PCDH11X: variants seen among roughly 807,000 people sequenced by gnomAD.
PCDH11X encodes the protein protocadherin 11 X-linked.
A neutral mutation model predicts 53.3 loss-of-function variants in PCDH11X; 18 were observed. The observed-to-expected ratio is 0.34, with a 90% confidence interval of 0.23 to 0.50. The LOEUF (loss-of-function observed/expected upper bound fraction) is 0.50. PCDH11X is among the 20% of genes least tolerant of loss of function. PCDH11X has a pLI of 0.98. For missense variants in PCDH11X, 570 were observed against 1,032.4 expected (o/e 0.55, Z 6.14); for synonymous variants, 279 against 393.3 (o/e 0.71, Z 3.44).
intron 4 of PCDH11X, among the ~76,000 whole-genome samples, chrX:91,821,280 C>T (rs7052123): frequency 6.6e-4 from 72 of 109,646 alleles, no homozygotes; most frequent in Middle Eastern, 4.7e-3. Flanking sequence ...GCCATTTTCA[C>T]GATATTGATT....
intron 10 of PCDH11X, among the ~76,000 whole-genome samples, chrX:92,581,550 A>T (rs1315217442): frequency 8.9e-6 from 1 of 111,932 alleles, no homozygotes; most frequent in East Asian, 2.8e-4. Context: ...CTCCCCAGCC[A>T]CGTGAACTGT....
chrX:92,049,450 T>TAA (rs1275164500), intron 6 of PCDH11X, among the ~76,000 whole-genome samples: 1 of 105,215 alleles, frequency 9.5e-6, no homozygotes, highest in African/African-American at 3.4e-5. Flanking sequence ...TTGGGCAAGA[T>TAA]AAAAAAAAAA....
At chrX:91,926,019 G>T (rs1245693172) in intron 6 of PCDH11X, among the ~76,000 whole-genome samples, 5 of 105,658 alleles carry the variant, frequency 4.7e-5, no homozygotes, top group African/African-American at 1.7e-4. Flanking sequence ...TATAATCAGG[G>T]TTATATAGAA....
At chrX:92,391,487 C>A (rs2071128066) in intron 9 of PCDH11X, among the ~76,000 whole-genome samples, 1 of 110,323 alleles carries the variant, frequency 9.1e-6, no homozygotes, top group South Asian at 3.8e-4. Context: ...CTATGTATGG[C>A]CCTATGTTCC....
rs183651865 is a variant in PCDH11X, at chrX:92,343,557, C to T, written c.3145-44178C>T. On this transcript the variant is annotated intron_variant, in intron 8 of 10. Transcript: ENST00000682573. ...TGTTTTATATAAAGCTATATATCTA[C>T]GTGTATTTCTTTATGTGAAATGACT... Among the ~76,000 whole-genome samples the T allele has an allele frequency of 4.3e-3, 470 of 110,297 alleles. 6 individuals carry two copies. In the East Asian group the frequency reaches 0.051, roughly 12 times the overall value.
At chrX:92,017,716 T>G (rs200141238) in intron 6 of PCDH11X, among the ~76,000 whole-genome samples, 3,066 of 89,172 alleles carry the variant, frequency 0.034, 110 homozygotes, top group East Asian at 0.16. Context: ...AATATATATA[T>G]AGAGAGAGAT....
chrX:91,905,234 C>T (rs1422861674), intron 6 of PCDH11X, among the ~76,000 whole-genome samples: 1 of 108,721 alleles, frequency 9.2e-6, no homozygotes, highest in Non-Finnish European at 1.9e-5. Flanking sequence ...GGCTCAACCT[C>T]TTTTACTGCC....
At chrX:92,254,430 G>A (rs968441979) in intron 7 of PCDH11X, among the ~76,000 whole-genome samples, 8 of 109,857 alleles carry the variant, frequency 7.3e-5, no homozygotes, top group Non-Finnish European at 1.9e-5. Context: ...GGAGCATTTA[G>A]TCCATTTACA....
chrX:91,946,772 T>C (rs1429740128), intron 6 of PCDH11X, among the ~76,000 whole-genome samples: 5 of 97,045 alleles, frequency 5.2e-5, no homozygotes, highest in African/African-American at 1.8e-4. Flanking sequence ...CTTCTTTTGT[T>C]TATAATCACT....
At chrX:92,525,241 A>G (rs2074428872) in intron 10 of PCDH11X, among the ~76,000 whole-genome samples, 1 of 111,423 alleles carries the variant, frequency 9.0e-6, no homozygotes, top group East Asian at 2.8e-4. Context: ...TTGTTTTTCT[A>G]CTTTATAGAC....
intron 9 of PCDH11X, among the ~76,000 whole-genome samples, chrX:92,434,127 T>C (rs2072314925): frequency 9.0e-6 from 1 of 111,270 alleles, no homozygotes; most frequent in Non-Finnish European, 1.9e-5. Flanking sequence ...TATCTATCTA[T>C]CATCTATCTA....
intron 5 of PCDH11X, among the ~76,000 whole-genome samples, chrX:91,865,251 G>A (rs1938901366): frequency 9.4e-6 from 1 of 106,564 alleles, no homozygotes; most frequent in Admixed American, 1.0e-4. Flanking sequence ...TAACACTGTG[G>A]TTCTTGCAAA....
Position 92,063,525 on chromosome X carries a change from A to G in PCDH11X, c.3034-137850A>G, listed in dbSNP as rs1452985812. ...TCCTGAATCTTGATGGTCTTCATTT[A>G]TATCCACACTCTGAATTCTATTTCT... On this transcript the variant is annotated intron_variant, in intron 6 of 10. Transcript: ENST00000682573. Among the ~76,000 whole-genome samples the G allele has an allele frequency of 2.7e-5, 3 of 111,021 alleles. No individual in the cohort carries two copies. The Admixed American group carries it at 2.9e-4, about 11-fold the overall frequency.
chrX:92,147,790 T>TTCTTTTC, intron 6 of PCDH11X, among the ~76,000 whole-genome samples: 1 of 92,326 alleles, frequency 1.1e-5, no homozygotes, highest in Non-Finnish European at 2.2e-5. Context: ...CTTTCTTTCT[T>TTCTTTTC]TTCCTTTCTT....
At chrX:91,819,617 C>A (rs1316770622) in intron 4 of PCDH11X, among the ~76,000 whole-genome samples, 1 of 106,319 alleles carries the variant, frequency 9.4e-6, no homozygotes, top group Non-Finnish European at 1.9e-5. Flanking sequence ...ACCCGAATCT[C>A]CAGCAAGCAT....
At chrX:92,271,131 G>A (rs1032702973) in intron 8 of PCDH11X, among the ~76,000 whole-genome samples, 13 of 112,286 alleles carry the variant, frequency 1.2e-4, no homozygotes, top group Non-Finnish European at 2.1e-4. Flanking sequence ...TTCTTCACTG[G>A]TTAAGAATCT....
intron 8 of PCDH11X, among the ~76,000 whole-genome samples, chrX:92,364,869 T>C (rs2070428613): frequency 1.3e-5 from 1 of 79,740 alleles, no homozygotes. Flanking sequence ...CACCTGTGAA[T>C]AGACACTCCA....
chrX:92,215,135 G>C (rs905646757), intron 7 of PCDH11X, among the ~76,000 whole-genome samples: 1 of 111,021 alleles, frequency 9.0e-6, no homozygotes, highest in African/African-American at 3.3e-5. Flanking sequence ...GCAGAAGACG[G>C]GTGATTTCTG....
Position 92,132,285 on chromosome X carries a change from C to CAA in PCDH11X, c.3034-69052_3034-69051dup, listed in dbSNP as rs778221916. ...GGGCAACAAGAGCAAACCTCTGTCT[C>CAA]AAAAAAAAAAAAAAAAAAAAAAAAA... On this transcript the variant is annotated intron_variant, in intron 6 of 10. Transcript: ENST00000682573. 5.6e-4 allele frequency among the ~76,000 whole-genome samples: 5 copies of CAA among 8,858 alleles called. 1 individual carries two copies. The highest frequency in any genetic ancestry group is 7.6e-4 in the African/African-American group (2 of 2,649). The allele number at this position is 8,858 out of a possible 115,157, so 7.7% of individuals were successfully genotyped here.
Sources: allele counts gnomAD v4.1 joint callset (sites outside exome capture counted in the v4.1 genomes callset), GRCh38; gene constraint gnomAD v4.1.1; transcripts MANE v1.5; gene names NCBI Gene and HGNC (gene_info 2026-07-23, HGNC 2026-07-21).